Variants in CCBE1 observed in about 807,000 individuals in gnomAD.
CCBE1 encodes collagen and calcium binding EGF domains 1, also known as collagen and calcium-binding EGF domain-containing protein 1.
Under a neutral mutation model 50.0 loss-of-function variants are expected in CCBE1, and 37 were observed. That is an observed-to-expected ratio of 0.74 (90% CI 0.57 to 0.97). The LOEUF is 0.97. Among genes scored for constraint, CCBE1 ranks in the 50% least tolerant of loss-of-function variants. The pLI is 0.00. For synonymous variants in CCBE1, 234 were observed against 203.7 expected (o/e 1.15, Z -1.27); for missense variants, 538 against 523.8 (o/e 1.03, Z -0.26).
rs1343434311 is a variant in CCBE1, at chr18:59,434,881, T to C, written c.*1027A>G. 1 of 152,206 alleles carries C rather than the reference T, an allele frequency of 6.6e-6. No homozygotes were observed. The highest frequency in any genetic ancestry group is 2.4e-5 in the African/African-American group (1 of 41,454). 9.4% of individuals were successfully genotyped at this position (152,206 alleles called of 1,614,324 possible). ...AATTTACCTACCGCTGCTGATGGCATTAGTGAGGTCAGCCCAAGCCAGCAA... is the reference window on the plus strand; with the variant it reads ...AATTTACCTACCGCTGCTGATGGCACTAGTGAGGTCAGCCCAAGCCAGCAA... On this transcript the variant is annotated 3_prime_UTR_variant, in exon 11 of 11. Coordinates refer to ENST00000439986, the MANE Select transcript of CCBE1 (RefSeq NM_133459.4).
intron 2 of CCBE1, among the ~76,000 whole-genome samples, chr18:59,634,377 G>A (rs2053890466): frequency 6.6e-6 from 1 of 152,188 alleles, no homozygotes; most frequent in African/African-American, 2.4e-5. Context: ...TAGACTAAAT[G>A]CATGACCTGC....
At chr18:59,495,506 C>G (rs551115159) in intron 2 of CCBE1, among the ~76,000 whole-genome samples, 10 of 151,480 alleles carry the variant, frequency 6.6e-5, no homozygotes, top group Non-Finnish European at 1.2e-4. Context: ...CCCTGACTAG[C>G]TCTTCCCTTT....
At chr18:59,479,375 C>T (rs1912461011) in intron 3 of CCBE1, among the ~76,000 whole-genome samples, 1 of 152,180 alleles carries the variant, frequency 6.6e-6, no homozygotes, top group Non-Finnish European at 1.5e-5. Flanking sequence ...CCCTGGGCCT[C>T]TGTGTATATG....
At chr18:59,642,411 T>C (rs2054001758) in intron 2 of CCBE1, among the ~76,000 whole-genome samples, 2 of 152,088 alleles carry the variant, frequency 1.3e-5, no homozygotes, top group South Asian at 4.1e-4. Flanking sequence ...ACTGGAGAAA[T>C]AGTTCTCCAG....
intron 2 of CCBE1, among the ~76,000 whole-genome samples, chr18:59,638,406 T>C (rs1404627573): frequency 6.6e-6 from 1 of 152,204 alleles, no homozygotes; most frequent in Non-Finnish European, 1.5e-5. Context: ...AACGAACGGT[T>C]CTTGAAGTGT....
intron 2 of CCBE1, among the ~76,000 whole-genome samples, chr18:59,642,606 A>C (rs1272157429): frequency 1.3e-5 from 2 of 152,212 alleles, no homozygotes; most frequent in Non-Finnish European, 1.5e-5. Flanking sequence ...CATGCAATGG[A>C]ATACTGGGCT....
chr18:59,569,081 C>G (rs149159446), intron 2 of CCBE1, among the ~76,000 whole-genome samples: 2 of 152,180 alleles, frequency 1.3e-5, no homozygotes, highest in South Asian at 2.1e-4. Context: ...TATCTCCAAA[C>G]GATGTTCGAT....
At chr18:59,473,317 T>A (rs1912126518) in intron 3 of CCBE1, among the ~76,000 whole-genome samples, 1 of 152,234 alleles carries the variant, frequency 6.6e-6, no homozygotes, top group Admixed American at 6.5e-5. Context: ...AGCTTTTCAA[T>A]GCTGCTGCAG....
chr18:59,567,190 C>T (rs2052843674), intron 2 of CCBE1, among the ~76,000 whole-genome samples: 1 of 149,818 alleles, frequency 6.7e-6, no homozygotes. Flanking sequence ...GTGATCTCGG[C>T]TCACTGTAAC....
intron 2 of CCBE1, among the ~76,000 whole-genome samples, chr18:59,685,660 G>C (rs1044172481): frequency 1.3e-5 from 2 of 152,216 alleles, no homozygotes; most frequent in African/African-American, 4.8e-5. Context: ...TGTGAAAGGT[G>C]GCAAGCCAAG....
intron 2 of CCBE1, among the ~76,000 whole-genome samples, chr18:59,579,399 T>TAAAAA (rs111786909): frequency 7.1e-6 from 1 of 140,986 alleles, no homozygotes; most frequent in East Asian, 2.0e-4. Context: ...TGGGGATCTT[T>TAAAAA]AAAAAAAAAA....
At position 59,448,962 on chromosome 18, in the gene CCBE1, G is replaced by A. The variant is rs541574872; in HGVS notation, c.655-859C>T. 2.6e-5 allele frequency among the ~76,000 whole-genome samples: 4 copies of A among 152,256 alleles called. No individual in the cohort carries two copies. The South Asian group carries it at 8.3e-4, about 32-fold the overall frequency. ...CTGCAGGTGGGTACCTGTGGCCCTG[G>A]GGAGGAAAGGAGTGAACCTCTTCCC... On this transcript the variant is annotated intron_variant, in intron 6 of 10. Transcript: ENST00000439986.
At chr18:59,470,581 G>C (rs958396246) in intron 3 of CCBE1, among the ~76,000 whole-genome samples, 1 of 152,136 alleles carries the variant, frequency 6.6e-6, no homozygotes, top group Non-Finnish European at 1.5e-5. Flanking sequence ...CCAGCTCTCA[G>C]CCTGTACAAA....
intron 2 of CCBE1, among the ~76,000 whole-genome samples, chr18:59,525,604 CATTTGTCA>C (rs1205694381): frequency 6.6e-6 from 1 of 152,204 alleles, no homozygotes; most frequent in African/African-American, 2.4e-5. Context: ...AATTAGATCC[CATTTGTCA>C]ATTTTTGCTT....
chr18:59,627,687 C>T (rs554718798), intron 2 of CCBE1, among the ~76,000 whole-genome samples: 5 of 152,274 alleles, frequency 3.3e-5, no homozygotes, highest in South Asian at 2.1e-4. Flanking sequence ...AGTCAAGGAA[C>T]GCCAAAGCTT....
chr18:59,642,863 C>T (rs1027592563), intron 2 of CCBE1, among the ~76,000 whole-genome samples: 3 of 148,348 alleles, frequency 2.0e-5, no homozygotes, highest in South Asian at 4.3e-4. Context: ...GCAGGAGAAT[C>T]GCTTGAACCT....
intron 2 of CCBE1, among the ~76,000 whole-genome samples, chr18:59,519,355 T>G (rs1269437783): frequency 6.6e-6 from 1 of 152,096 alleles, no homozygotes; most frequent in East Asian, 1.9e-4. Context: ...GGGGAGAAAA[T>G]GTTTAGGTAC....
intron 2 of CCBE1, among the ~76,000 whole-genome samples, chr18:59,673,867 C>T (rs1439011999): frequency 6.6e-6 from 1 of 152,200 alleles, no homozygotes; most frequent in Non-Finnish European, 1.5e-5. Flanking sequence ...AGGATTTTCA[C>T]ATCAACGTTC....
chr18:59,542,157 G>A (rs1915492059), intron 2 of CCBE1, among the ~76,000 whole-genome samples: 1 of 137,398 alleles, frequency 7.3e-6, no homozygotes, highest in East Asian at 2.1e-4. Flanking sequence ...CTAAGTGACA[G>A]AGTGAGATCC....
Sources: gnomAD v4.1 joint callset for allele counts (sites outside exome capture counted in the v4.1 genomes callset) on GRCh38, gnomAD v4.1.1 for gene constraint, MANE v1.5 for transcripts, NCBI Gene and HGNC (gene_info 2026-07-23, HGNC 2026-07-21) for gene names.